Variants in CIMAP2 observed in about 807,000 individuals in gnomAD.
CIMAP2 encodes ciliary microtubule associated protein 2, also known as ciliary microtubule-associated protein 2.
the CIMAP2 span, among the ~76,000 whole-genome samples, chr1:54,834,970 C>T: frequency 6.6e-6 from 1 of 152,194 alleles, no homozygotes; most frequent in African/African-American, 2.4e-5. Context: ...TGTTAATTAT[C>T]TTTCATTTTT....
the CIMAP2 span, among the ~76,000 whole-genome samples, chr1:54,820,138 C>G: frequency 7.7e-6 from 1 of 129,142 alleles, no homozygotes; most frequent in African/African-American, 3.0e-5. Context: ...TTCTTTCTTT[C>G]TCTCTTTCTC....
the CIMAP2 span, among the ~76,000 whole-genome samples, chr1:54,820,082 T>C: frequency 0.068 from 7,244 of 106,910 alleles, 964 homozygotes; most frequent in African/African-American, 0.23. Flanking sequence ...CCTTCCTTCC[T>C]TCCCTCCTTC....
chr1:54,811,765 G>GCCGGGGGGGGGGGGCGCCCCCCCCCCCC, the CIMAP2 span: 1 of 1,301,328 alleles, frequency 7.7e-7, no homozygotes, highest in Non-Finnish European at 1.1e-6. Context: ...GGTTCTGACA[G>GCCGGGGGGGGGGGGCGCCCCCCCCCCCC]CCTCCATGCC....
At chr1:54,824,328 T>C in the CIMAP2 span, among the ~76,000 whole-genome samples, 2 of 152,206 alleles carry the variant, frequency 1.3e-5, no homozygotes, top group Non-Finnish European at 2.9e-5. Context: ...ATGCCTGACC[T>C]GTCTTTGACT....
At chr1:54,806,191 CG>C in the CIMAP2 span, 6 of 1,548,836 alleles carry the variant, frequency 3.9e-6, 1 homozygote, top group African/African-American at 1.4e-5. Context: ...AGTGGTTCAC[CG>C]GGGCGCCCTT....
chr1:54,825,347 G>A, the CIMAP2 span, among the ~76,000 whole-genome samples: 13 of 152,082 alleles, frequency 8.5e-5, no homozygotes, highest in African/African-American at 2.2e-4. Flanking sequence ...CACCACGCCC[G>A]GTGGGAATTA....
chr1:54,811,765 G>GCCGGGGGGGGCGGCCCCCCCCCCC, the CIMAP2 span: 1 of 1,301,330 alleles, frequency 7.7e-7, no homozygotes, highest in Non-Finnish European at 1.1e-6. Context: ...GGTTCTGACA[G>GCCGGGGGGGGCGGCCCCCCCCCCC]CCTCCATGCC....
chr1:54,806,943 C>G, the CIMAP2 span: 3 of 1,538,320 alleles, frequency 2.0e-6, no homozygotes, highest in Non-Finnish European at 2.7e-6. Flanking sequence ...ACTGCCCACG[C>G]CAGGGCCAGG....
the CIMAP2 span, among the ~76,000 whole-genome samples, chr1:54,829,502 C>T: frequency 6.6e-6 from 1 of 152,160 alleles, no homozygotes; most frequent in Non-Finnish European, 1.5e-5. Context: ...CCAGGAGGCA[C>T]AGAAGATCGA....
At chr1:54,815,005 G>A in the CIMAP2 span, 6 of 1,614,180 alleles carry the variant, frequency 3.7e-6, no homozygotes, top group South Asian at 5.5e-5. Flanking sequence ...AAGGGGTCAG[G>A]TGCAAAGGCC....
chr1:54,812,274 G>C, the CIMAP2 span: 8 of 1,563,952 alleles, frequency 5.1e-6, no homozygotes, highest in South Asian at 1.1e-5. Context: ...ACACCAGCCT[G>C]TGTGCCAGGC....
the CIMAP2 span, among the ~76,000 whole-genome samples, chr1:54,809,608 C>G: frequency 2.6e-5 from 4 of 152,154 alleles, no homozygotes; most frequent in Admixed American, 1.3e-4. Flanking sequence ...AAGCTACCAA[C>G]TGGCAGAAGT....
chr1:54,836,282 CGCCTGCCTGCCTGCCTGCCT>C, the CIMAP2 span, among the ~76,000 whole-genome samples: 330 of 150,744 alleles, frequency 2.2e-3, 3 homozygotes, highest in Non-Finnish European at 2.6e-3. Context: ...CCTACCTGCC[CGCCTGCCTGCCTGCCTGCCT>C]GCCTGCCTGC....
the CIMAP2 span, among the ~76,000 whole-genome samples, chr1:54,833,143 C>T: frequency 1.5e-4 from 23 of 152,136 alleles, no homozygotes; most frequent in African/African-American, 9.7e-5. Flanking sequence ...AGTCTGATTG[C>T]GGGTGTAAAA....
At chr1:54,811,765 G>GCGGGGGGGGGGGGCCCCC in the CIMAP2 span, 1 of 1,301,330 alleles carries the variant, frequency 7.7e-7, no homozygotes, top group Non-Finnish European at 1.1e-6. Context: ...GGTTCTGACA[G>GCGGGGGGGGGGGGCCCCC]CCTCCATGCC....
chr1:54,811,765 G>GGGGGGGGGGGGGGGCCCCCC, the CIMAP2 span: 1 of 1,301,332 alleles, frequency 7.7e-7, no homozygotes, highest in Non-Finnish European at 1.1e-6. Context: ...GGTTCTGACA[G>GGGGGGGGGGGGGGGCCCCCC]CCTCCATGCC....
At chr1:54,836,299 G>A in the CIMAP2 span, among the ~76,000 whole-genome samples, 15 of 210 alleles carry the variant, frequency 0.071, no homozygotes, top group East Asian at 0.38. Flanking sequence ...CTGCCTGCCT[G>A]CCTGCCTGCC....
chr1:54,817,059 G>C, the CIMAP2 span: 105 of 1,614,058 alleles, frequency 6.5e-5, no homozygotes, highest in Non-Finnish European at 8.7e-5. Context: ...CAGCGATATC[G>C]ATCCCTATTC....
chr1:54,813,682 G>A, the CIMAP2 span: 44 of 1,046,284 alleles, frequency 4.2e-5, no homozygotes, highest in East Asian at 7.1e-4. Context: ...CCCGGCCTCC[G>A]GCCTCCGGGA....
Sources: gnomAD v4.1 joint callset for allele counts (sites outside exome capture counted in the v4.1 genomes callset) on GRCh38, gnomAD v4.1.1 for gene constraint, MANE v1.5 for transcripts, NCBI Gene and HGNC (gene_info 2026-07-23, HGNC 2026-07-21) for gene names.